The following PCDHGB2 variants were observed in gnomAD, a reference collection of about 807,000 sequenced individuals.
PCDHGB2 encodes protocadherin gamma subfamily B, 2.
In PCDHGB2, 55 loss-of-function variants were observed where a neutral mutation model predicts 59.3. The ratio of observed to expected loss-of-function variants is 0.93; its 90% CI spans 0.75 to 1.16. PCDHGB2 has a LOEUF of 1.16. PCDHGB2 is among the 50% of genes most tolerant of loss of function. PCDHGB2 has a pLI of 0.00. For missense variants in PCDHGB2, 1,228 were observed against 1,198.5 expected (o/e 1.02, Z -0.36); for synonymous variants, 516 against 512.0 (o/e 1.01, Z -0.11).
At chr5:141,429,037 G>A (rs1404164429) in intron 1 of PCDHGB2, 1 of 152,054 alleles carries the variant, frequency 6.6e-6, no homozygotes, top group African/African-American at 2.4e-5. Flanking sequence ...TGCATTTTTA[G>A]TACAGACGGG....
chr5:141,383,424 T>A, intron 1 of PCDHGB2: 1 of 1,613,978 alleles, frequency 6.2e-7, no homozygotes, highest in Non-Finnish European at 8.5e-7. Context: ...TCAGCCCCAA[T>A]CGCCACTTCT....
chr5:141,477,582 A>T lies in PCDHGB2; in HGVS notation c.2422-17225A>T, dbSNP rs567486170. The T allele has an allele frequency of 6.2e-7, 1 of 1,614,190 alleles. No individual in the cohort carries two copies. The highest frequency in any genetic ancestry group is 2.2e-5 in the East Asian group (1 of 44,888). ...GTCTGGGACCCCGACGCCCCGCAGA[A>T]TGCTCGGCTTTCTTTCTTTCTCTTG... On this transcript the variant is annotated intron_variant, in intron 1 of 3. Transcript: ENST00000522605. The surrounding 1 kb of genome is among the most constrained non-coding windows in gnomAD (Gnocchi z 4.9).
At chr5:141,379,827 G>A (rs1217798060) in intron 1 of PCDHGB2, among the ~76,000 whole-genome samples, 3 of 142,646 alleles carry the variant, frequency 2.1e-5, no homozygotes, top group Non-Finnish European at 3.0e-5. Flanking sequence ...GAATTTTGAA[G>A]CATCAGGAAA....
At chr5:141,392,930 G>A (rs568235859) in intron 1 of PCDHGB2, 2 of 1,613,790 alleles carry the variant, frequency 1.2e-6, no homozygotes, top group Non-Finnish European at 1.7e-6. Flanking sequence ...CAGAAGAGAC[G>A]GACAAAGGCT....
At chr5:141,434,693 T>C (rs2097710124) in intron 1 of PCDHGB2, among the ~76,000 whole-genome samples, 1 of 152,034 alleles carries the variant, frequency 6.6e-6, no homozygotes, top group Non-Finnish European at 1.5e-5. Context: ...TTGCTGTTAA[T>C]AAATATGTGG....
At chr5:141,438,585 TAC>T (rs1561889967) in intron 1 of PCDHGB2, among the ~76,000 whole-genome samples, 141 of 61,160 alleles carry the variant, frequency 2.3e-3, no homozygotes, top group South Asian at 4.3e-3. Flanking sequence ...CATACATACA[TAC>T]ATACATATAT....
chr5:141,363,393 A>G (rs906655840), intron 1 of PCDHGB2, among the ~76,000 whole-genome samples: 2 of 152,232 alleles, frequency 1.3e-5, no homozygotes, highest in Non-Finnish European at 2.9e-5. Flanking sequence ...TTCTGTTGTC[A>G]TATAAAGATG....
At chr5:141,383,385 G>A in intron 1 of PCDHGB2, 2 of 1,613,962 alleles carry the variant, frequency 1.2e-6, no homozygotes, top group South Asian at 2.2e-5. Flanking sequence ...ATCCAGATGT[G>A]GGCACGAACT....
intron 1 of PCDHGB2, chr5:141,403,938 G>C (rs1181403397): frequency 1.2e-6 from 2 of 1,613,848 alleles, no homozygotes; most frequent in Non-Finnish European, 1.7e-6. Flanking sequence ...GGATTGAAAG[G>C]GTGGACAAAA....
intron 1 of PCDHGB2, chr5:141,415,066 C>T (rs777981621): frequency 1.4e-5 from 23 of 1,613,410 alleles, no homozygotes; most frequent in Non-Finnish European, 1.9e-5. Flanking sequence ...GGGCGAGGTG[C>T]GCACGGCGCG....
chr5:141,497,191 A>G (rs2099774633), intron 2 of PCDHGB2, among the ~76,000 whole-genome samples: 1 of 126,864 alleles, frequency 7.9e-6, no homozygotes, highest in Admixed American at 8.3e-5. Context: ...TGAGAGGCAG[A>G]GAACAATGTG....
chr5:141,423,531 C>T, intron 1 of PCDHGB2: 1 of 1,613,736 alleles, frequency 6.2e-7, no homozygotes, highest in South Asian at 1.1e-5. Context: ...AGAAGAGTCA[C>T]CTGATTTTCC....
At chr5:141,503,089 G>C (rs1352372525) in intron 2 of PCDHGB2, among the ~76,000 whole-genome samples, 2 of 151,590 alleles carry the variant, frequency 1.3e-5, no homozygotes, top group Non-Finnish European at 2.9e-5. Context: ...TCCTGACCTC[G>C]TGGTCTGCCC....
At position 141,489,494 on chromosome 5, in the gene PCDHGB2, C is replaced by A. The variant is rs1191408769; in HGVS notation, c.2422-5313C>A. ...CTGAGCTTGATGAGTGGTGCCCTGGCAGTGAATCAAAAGATTGACCGAGAA... is the reference window on the plus strand; with the variant it reads ...CTGAGCTTGATGAGTGGTGCCCTGGAAGTGAATCAAAAGATTGACCGAGAA... On this transcript the variant is annotated intron_variant, in intron 1 of 3. Coordinates refer to ENST00000522605, the MANE Select transcript of PCDHGB2 (RefSeq NM_018923.3). This position sits in a 1 kb window ranked among gnomAD's most constrained non-coding sequence, Gnocchi z 4.5. 1.1e-5 allele frequency: 18 copies of A among 1,613,932 alleles called. No individual in the cohort carries two copies. The highest frequency in any genetic ancestry group is 1.7e-5 in the Admixed American group (1 of 59,998).
At position 141,491,410 on chromosome 5, in the gene PCDHGB2, G is replaced by A. The variant is rs777207581; in HGVS notation, c.2422-3397G>A. The A allele has an allele frequency of 1.9e-6, 3 of 1,614,024 alleles. No homozygotes were observed. Among genetic ancestry groups the A allele is most frequent in the Admixed American group, 1.7e-5 (1 of 60,006 alleles). ...GTGCCTTCAGGGAAACGCAGACGGGGACGGGGGTGGAGGGCAGTGCTGCAG... is the reference window on the plus strand; with the variant it reads ...GTGCCTTCAGGGAAACGCAGACGGGAACGGGGGTGGAGGGCAGTGCTGCAG... On this transcript the variant is annotated intron_variant, in intron 1 of 3. Transcript: ENST00000522605. The surrounding 1 kb of genome is among the most constrained non-coding windows in gnomAD (Gnocchi z 6.9).
intron 1 of PCDHGB2, chr5:141,422,866 G>C: frequency 1.2e-6 from 2 of 1,614,216 alleles, no homozygotes; most frequent in Non-Finnish European, 8.5e-7. Context: ...CAGCAGCAAC[G>C]TGTCGCTGAG....
chr5:141,476,733 G>C lies in PCDHGB2; in HGVS notation c.2422-18074G>C, dbSNP rs373439335. On this transcript the variant is annotated intron_variant, in intron 1 of 3. Transcript: ENST00000522605. This position sits in a 1 kb window ranked among gnomAD's most constrained non-coding sequence, Gnocchi z 7.6. ...TTGGAGCGCGCCCTGGACCGAGAAC[G>C]GGAGCCTAGTCTCCAGTTAGTGCTG... 6.2e-6 allele frequency: 10 copies of C among 1,614,062 alleles called. No individual in the cohort carries two copies. The highest frequency in any genetic ancestry group is 2.2e-5 in the East Asian group (1 of 44,870).
intron 1 of PCDHGB2, among the ~76,000 whole-genome samples, chr5:141,401,612 C>A (rs1190962219): frequency 6.6e-6 from 1 of 152,146 alleles, no homozygotes; most frequent in Non-Finnish European, 1.5e-5. Context: ...AAAAAGACAC[C>A]GGATTTGTCT....
At chr5:141,413,234 T>C (rs2095618811) in intron 1 of PCDHGB2, 2 of 1,613,838 alleles carry the variant, frequency 1.2e-6, no homozygotes, top group Non-Finnish European at 1.7e-6. Context: ...CTGGTCCTGC[T>C]CTGCCTTTTC....
Sources: allele counts gnomAD v4.1 joint callset (sites outside exome capture counted in the v4.1 genomes callset), GRCh38; gene constraint gnomAD v4.1.1; non-coding constraint Gnocchi (gnomAD v3.1); transcripts MANE v1.5; gene names NCBI Gene and HGNC (gene_info 2026-07-23, HGNC 2026-07-21).